The following SPATA1 variants were observed in gnomAD, a reference collection of about 807,000 sequenced individuals.
The protein encoded by SPATA1 is spermatogenesis-associated protein 1.
In SPATA1, 57 loss-of-function variants were observed where a neutral mutation model predicts 59.6. The observed-to-expected ratio is 0.96, with a 90% CI of 0.77 to 1.19. The LOEUF (loss-of-function observed/expected upper bound fraction) is 1.19, where lower values mean the gene tolerates loss of function less well. Among genes scored for constraint, SPATA1 ranks in the 50% most tolerant of loss-of-function variants. The pLI, the probability that SPATA1 is intolerant of heterozygous loss-of-function variation, is 0.00. For missense variants in SPATA1, 448 were observed against 480.7 expected, an observed-to-expected ratio of 0.93 and a Z score of 0.64; for synonymous variants, 147 against 163.9, an observed-to-expected ratio of 0.90 and a Z score of 0.79.
exon 5 of SPATA1, chr1:84,566,015 G>A: frequency 6.6e-7 from 1 of 1,511,556 alleles, no homozygotes; most frequent in South Asian, 1.4e-5. Context: ...AAGGTTACCT[G>A]TGGAAAAAAA....
intron 12 of SPATA1, chr1:84,551,714 A>G (rs1228405871): frequency 3.3e-5 from 5 of 152,180 alleles, no homozygotes; most frequent in African/African-American, 4.8e-5. Flanking sequence ...AGAGCAGAGG[A>G]TAATTTTTAA....
chr1:84,527,884 C>T (rs1422858383), intron 6 of SPATA1, among the ~76,000 whole-genome samples: 2 of 152,150 alleles, frequency 1.3e-5, no homozygotes, highest in Non-Finnish European at 2.9e-5. Flanking sequence ...GTGCACACCA[C>T]CATGTCCAGC....
chr1:84,523,332 C>G (rs1683099958), intron 4 of SPATA1, among the ~76,000 whole-genome samples: 1 of 152,172 alleles, frequency 6.6e-6, no homozygotes, highest in Non-Finnish European at 1.5e-5. Context: ...CTCAAAGGTT[C>G]TGGTCTCTCA....
chr1:84,540,674 T>G (rs977710497), intron 8 of SPATA1, among the ~76,000 whole-genome samples: 1 of 152,212 alleles, frequency 6.6e-6, no homozygotes, highest in South Asian at 2.1e-4. Context: ...TTGCAAAAGA[T>G]TTTTCAATGA....
At chr1:84,508,734 T>A (rs1682397250) in intron 1 of SPATA1, among the ~76,000 whole-genome samples, 1 of 152,262 alleles carries the variant, frequency 6.6e-6, no homozygotes, top group African/African-American at 2.4e-5. Flanking sequence ...AAAGGGGGAT[T>A]TCACAATTCT....
chr1:84,563,293 C>G, intron 4 of SPATA1: 3 of 1,583,540 alleles, frequency 1.9e-6, no homozygotes, highest in Non-Finnish European at 2.6e-6. Flanking sequence ...GATCTTTATC[C>G]CATAGGTTTC....
At chr1:84,530,032 T>G (rs765816080) in intron 6 of SPATA1, among the ~76,000 whole-genome samples, 7 of 152,090 alleles carry the variant, frequency 4.6e-5, no homozygotes, top group Non-Finnish European at 8.8e-5. Context: ...AATTTTTTTG[T>G]GTTTTAGTAG....
downstream of SPATA1, among the ~76,000 whole-genome samples, chr1:84,557,558 A>G (rs1684477585): frequency 2.7e-5 from 4 of 149,142 alleles, no homozygotes; most frequent in South Asian, 8.5e-4. Context: ...AAAAAAGAAA[A>G]AAAAAAAAAG....
chr1:84,537,849 A>G (rs1174621001), intron 8 of SPATA1, among the ~76,000 whole-genome samples: 1 of 152,198 alleles, frequency 6.6e-6, no homozygotes, highest in Non-Finnish European at 1.5e-5. Context: ...TGGCTTTGCA[A>G]ATTCTCCCTG....
intron 4 of SPATA1, chr1:84,563,998 T>C (rs1036373903): frequency 7.2e-6 from 3 of 416,226 alleles, no homozygotes; most frequent in Non-Finnish European, 9.7e-6. Flanking sequence ...CCATAAATTC[T>C]ATATCTTGCT....
At position 84,551,825 on chromosome 1, in the gene SPATA1, C is replaced by A. The variant is rs369906569; in HGVS notation, c.1225-1210C>A. The stretch of plus-strand genomic sequence containing the variant: ...TAAAGCCAATATGTAAACTTGTACA[C>A]TTAATAATTGGGTAGGTAGGAAGGA... On this transcript the variant is annotated intron_variant, in intron 12 of 12. Coordinates refer to ENST00000490879, the Ensembl canonical transcript of SPATA1. 7 of 152,124 alleles carry A rather than the reference C, an allele frequency of 4.6e-5. No individual in the cohort carries two copies. In the East Asian group the frequency reaches 1.2e-3, roughly 25 times the overall value. 9.4% of individuals were successfully genotyped at this position (152,124 alleles called of 1,614,324 possible).
intron 1 of SPATA1, among the ~76,000 whole-genome samples, chr1:84,508,593 A>C (rs1031781410): frequency 2.0e-5 from 3 of 151,484 alleles, no homozygotes; most frequent in Non-Finnish European, 2.9e-5. Flanking sequence ...ATTTAAATTT[A>C]CCTGAGATCT....
exon 13 of SPATA1, chr1:84,553,088 G>GAAA: frequency 2.1e-6 from 3 of 1,397,928 alleles, no homozygotes; most frequent in South Asian, 1.4e-5. Flanking sequence ...AACTGGCACA[G>GAAA]AAAAAAAAAA....
chr1:84,565,791 T>C lies in SPATA1; in HGVS notation n.443-70T>C, dbSNP rs760870585. On this transcript the variant is annotated intron_variant and non_coding_transcript_variant, in intron 4 of 4. Coordinates refer to the SPATA1 transcript ENST00000460286. ...CTAAAAACATCTTAATATTTTAATT[T>C]ATAGAATATTATTAATATTATTAAT... 1.1e-5 allele frequency: 11 copies of C among 999,752 alleles called. No individual in the cohort carries two copies. The East Asian group carries it at 1.5e-4, about 13-fold the overall frequency. The allele number at this position is 999,752 out of a possible 1,614,324, so 61.9% of individuals were successfully genotyped here.
chr1:84,550,825 G>A (rs1684248643), intron 12 of SPATA1: 1 of 1,006,176 alleles, frequency 9.9e-7, no homozygotes, highest in Non-Finnish European at 1.2e-6. Flanking sequence ...ATTTTAAGTA[G>A]TTTTCCTGTA....
At position 84,532,934 on chromosome 1, in the gene SPATA1, T is replaced by C. The variant is rs1363157902; in HGVS notation, c.619T>C (p.Leu207=). ...TGGAAATTCTGAGTTGCCAGGATCATTGGAAGATTCAAATAATGATTGCTT... is the reference window on the plus strand; with the variant it reads ...TGGAAATTCTGAGTTGCCAGGATCACTGGAAGATTCAAATAATGATTGCTT... The change falls in exon 7 of 13, where the codon TTG becomes CTG. Residue 207 remains leucine, a synonymous_variant. Transcript: ENST00000490879. 5 of 1,551,952 alleles carry C rather than the reference T, an allele frequency of 3.2e-6. No individual in the cohort carries two copies. In the South Asian group the frequency reaches 3.6e-5, roughly 11 times the overall value.
chr1:84,543,892 A>AATATT (rs1683992929), intron 8 of SPATA1, among the ~76,000 whole-genome samples: 1 of 152,250 alleles, frequency 6.6e-6, no homozygotes, highest in Non-Finnish European at 1.5e-5. Context: ...TAGGCATCTT[A>AATATT]GAAAATATTT....
At chr1:84,555,232 G>A (rs779324470), downstream of SPATA1, 11 of 1,512,578 alleles carry the variant, frequency 7.3e-6, no homozygotes, top group Non-Finnish European at 9.1e-6. Context: ...AGATTTTAAA[G>A]TATTTAGTAC....
At chr1:84,512,694 G>T (rs1682623770) in intron 1 of SPATA1, among the ~76,000 whole-genome samples, 1 of 152,176 alleles carries the variant, frequency 6.6e-6, no homozygotes, top group Admixed American at 6.5e-5. Context: ...TGGCAGATAG[G>T]TGATACATCT....
Sources: gnomAD v4.1 joint callset for allele counts (sites outside exome capture counted in the v4.1 genomes callset) on GRCh38, gnomAD v4.1.1 for gene constraint, MANE v1.5 for transcripts, NCBI Gene and HGNC (gene_info 2026-07-23, HGNC 2026-07-21) for gene names.